Variants in PRKN observed in about 807,000 individuals in gnomAD.
The protein encoded by PRKN is E3 ubiquitin-protein ligase parkin.
A neutral mutation model predicts 59.5 loss-of-function variants in PRKN; 56 were observed. The observed-to-expected ratio is 0.94, with a 90% CI of 0.76 to 1.18. The LOEUF (loss-of-function observed/expected upper bound fraction) is 1.18, where lower values mean the gene tolerates loss of function less well. Ranked by LOEUF, PRKN falls within the 50% of genes most tolerant of loss-of-function variation. PRKN has a pLI of 0.00. For missense variants in PRKN, 657 were observed against 596.4 expected (o/e 1.10, Z -1.06); for synonymous variants, 250 against 222.1 (o/e 1.13, Z -1.12).
At position 162,616,653 on chromosome 6, in the gene PRKN, A is replaced by T. The variant is rs1010558511; in HGVS notation, c.7+111009T>A. On this transcript the variant is annotated intron_variant, in intron 1 of 11. Coordinates refer to ENST00000366898, the MANE Select transcript of PRKN (RefSeq NM_004562.3). ...AGCAATGGTATGGCTTTTTCTTGCT[A>T]TCTTCTATCAATCAATTTATTTGTA... Among the ~76,000 whole-genome samples the T allele has an allele frequency of 4.6e-5, 7 of 152,280 alleles. No homozygotes were observed. In the East Asian group the frequency reaches 7.7e-4, roughly 17 times the overall value.
chr6:162,690,851 T>C (rs978373430), intron 1 of PRKN, among the ~76,000 whole-genome samples: 2 of 151,970 alleles, frequency 1.3e-5, no homozygotes, highest in African/African-American at 4.8e-5. Context: ...AAAGGATCTT[T>C]GAAAAACCCT....
Position 161,404,924 on chromosome 6 carries a change from G to A in PRKN, c.1084-18047C>T, listed in dbSNP as rs372528639. Among the ~76,000 whole-genome samples the A allele has an allele frequency of 1.2e-4, 19 of 152,204 alleles. No individual in the cohort carries two copies. In the East Asian group the frequency reaches 2.1e-3, roughly 17 times the overall value. ...GCCGTAAATACTGCAATGGAATGGAGTTCCAGCAGAAAAGTATATGTTTCT... is the reference window on the plus strand; with the variant it reads ...GCCGTAAATACTGCAATGGAATGGAATTCCAGCAGAAAAGTATATGTTTCT... On this transcript the variant is annotated intron_variant, in intron 9 of 11. Coordinates refer to ENST00000366898, the MANE Select transcript of PRKN (RefSeq NM_004562.3).
At chr6:162,676,558 T>C (rs1000415932) in intron 1 of PRKN, among the ~76,000 whole-genome samples, 7 of 152,084 alleles carry the variant, frequency 4.6e-5, no homozygotes, top group Admixed American at 3.9e-4. Context: ...TTAAGGCAGA[T>C]GGGGACAGGG....
rs183199081 is a variant in PRKN at position 161,480,885 on chromosome 6, G to A, written c.1083+67969C>T. Among the ~76,000 whole-genome samples, 79 of 152,324 alleles carry A rather than the reference G, an allele frequency of 5.2e-4. No homozygotes were observed. Among genetic ancestry groups the A allele is most frequent in the African/African-American group, 1.9e-3 (78 of 41,576 alleles). ...GAGAAACCATTTTCATAAGCAGTGT[G>A]CTAACAACCCATTGGTAACTGGAAA... is the stretch of plus-strand genomic sequence containing the variant. On this transcript the variant is annotated intron_variant, in intron 9 of 11. Transcript: ENST00000366898. The surrounding 1 kb of genome is among the most constrained non-coding windows in gnomAD (Gnocchi z 4.1).
chr6:162,320,821 G>A (rs1477738836), intron 2 of PRKN, among the ~76,000 whole-genome samples: 1 of 151,672 alleles, frequency 6.6e-6, no homozygotes, highest in African/African-American at 2.4e-5. Flanking sequence ...AATGAAAATG[G>A]AAATTAATAA....
rs149987424 is a variant in PRKN at position 161,362,736 on chromosome 6, G to A, written c.1168-2531C>T. 5.7e-3 allele frequency among the ~76,000 whole-genome samples: 870 copies of A among 152,262 alleles called. 13 individuals carry two copies. The highest frequency in any genetic ancestry group is 0.02 in the African/African-American group (813 of 41,550). On this transcript the variant is annotated intron_variant, in intron 10 of 11. Coordinates refer to ENST00000366898, the MANE Select transcript of PRKN (RefSeq NM_004562.3). The surrounding 1 kb of genome is among the most constrained non-coding windows in gnomAD (Gnocchi z 5.2). ...ATTGGCATATACCCTGGAACCAGGC[G>A]GAAGCAAAAATATCTTTTGTGGAGC...
At chr6:162,254,982 A>G (rs984715915) in intron 3 of PRKN, among the ~76,000 whole-genome samples, 4 of 152,028 alleles carry the variant, frequency 2.6e-5, no homozygotes, top group African/African-American at 9.7e-5. Flanking sequence ...CATGCCATCC[A>G]TCATTATCAT....
intron 6 of PRKN, among the ~76,000 whole-genome samples, chr6:161,881,946 A>G (rs1160084958): frequency 1.3e-5 from 2 of 152,126 alleles, no homozygotes; most frequent in Admixed American, 1.3e-4. Flanking sequence ...AGAGTGGGAA[A>G]CTGAAACTGC....
intron 6 of PRKN, among the ~76,000 whole-genome samples, chr6:161,957,411 T>TGTG (rs879802399): frequency 2.9e-5 from 3 of 102,804 alleles, no homozygotes; most frequent in African/African-American, 1.2e-4. Flanking sequence ...TTCTTGTTGT[T>TGTG]TTTTTTTTGT....
At position 161,483,321 on chromosome 6, in the gene PRKN, A is replaced by G. The variant is rs912946842; in HGVS notation, c.1083+65533T>C. Among the ~76,000 whole-genome samples the G allele has an allele frequency of 6.6e-6, 1 of 152,160 alleles. No individual in the cohort carries two copies. The highest frequency in any genetic ancestry group is 1.5e-5 in the Non-Finnish European group (1 of 68,026). ...CAGGCCAACTCCAAAGCACTGGTTA[A>G]TAGTTATAAAAATGTTTCACAGTGC... On this transcript the variant is annotated intron_variant, in intron 9 of 11. Transcript: ENST00000366898. This position sits in a 1 kb window ranked among gnomAD's most constrained non-coding sequence, Gnocchi z 5.0.
chr6:162,664,732 GT>G (rs565102431), intron 1 of PRKN, among the ~76,000 whole-genome samples: 171 of 150,732 alleles, frequency 1.1e-3, no homozygotes, highest in East Asian at 7.4e-3. Context: ...TTTTGATGCT[GT>G]TTTTTTTTCT....
At chr6:161,875,815 AC>A (rs1794712278) in intron 6 of PRKN, among the ~76,000 whole-genome samples, 1 of 152,058 alleles carries the variant, frequency 6.6e-6, no homozygotes, top group Non-Finnish European at 1.5e-5. Context: ...CAGGATCTTG[AC>A]CTCGAACTCA....
chr6:161,740,675 C>A (rs1193183977), intron 7 of PRKN, among the ~76,000 whole-genome samples: 1 of 152,220 alleles, frequency 6.6e-6, no homozygotes, highest in Non-Finnish European at 1.5e-5. Context: ...CTTGGGCAGG[C>A]AGCTTTGCCA....
chr6:162,448,940 T>A (rs1339505651), intron 1 of PRKN, among the ~76,000 whole-genome samples: 3 of 149,452 alleles, frequency 2.0e-5, no homozygotes, highest in Non-Finnish European at 3.0e-5. Context: ...CACTATAGAG[T>A]GCAGTGGCAC....
At chr6:162,041,213 A>T (rs884995) in intron 5 of PRKN, among the ~76,000 whole-genome samples, 19 of 151,982 alleles carry the variant, frequency 1.3e-4, no homozygotes, top group Non-Finnish European at 1.9e-4. Context: ...AATGAATACC[A>T]TGGAATTGGA....
intron 2 of PRKN, among the ~76,000 whole-genome samples, chr6:162,373,751 T>G (rs992698758): frequency 2.0e-5 from 3 of 152,126 alleles, no homozygotes; most frequent in African/African-American, 7.2e-5. Context: ...TTATTAAATA[T>G]TTACAGTCAC....
intron 9 of PRKN, among the ~76,000 whole-genome samples, chr6:161,500,883 T>C (rs1047888088): frequency 6.7e-6 from 1 of 148,338 alleles, no homozygotes; most frequent in South Asian, 2.1e-4. Context: ...TTTCTTTTTT[T>C]TTTTTTTTTT....
intron 7 of PRKN, among the ~76,000 whole-genome samples, chr6:161,781,196 G>A (rs1211563001): frequency 6.6e-6 from 1 of 152,140 alleles, no homozygotes; most frequent in African/African-American, 2.4e-5. Flanking sequence ...TTTAGCACTT[G>A]TAGTTATTAA....
At chr6:162,102,446 T>C (rs1780010882) in intron 4 of PRKN, among the ~76,000 whole-genome samples, 1 of 152,202 alleles carries the variant, frequency 6.6e-6, no homozygotes, top group Non-Finnish European at 1.5e-5. Context: ...TAGGTTAATC[T>C]AGACATGGTG....
Sources: gnomAD v4.1 joint callset for allele counts (sites outside exome capture counted in the v4.1 genomes callset) on GRCh38, gnomAD v4.1.1 for gene constraint, Gnocchi (gnomAD v3.1) non-coding constraint, MANE v1.5 for transcripts, NCBI Gene and HGNC (gene_info 2026-07-23, HGNC 2026-07-21) for gene names.